Variants in COL4A5 observed in about 807,000 individuals in gnomAD.
The protein encoded by COL4A5 is collagen type IV alpha 5 chain.
A neutral mutation model predicts 130.2 loss-of-function variants in COL4A5; 26 were observed. The observed-to-expected ratio is 0.20, with a 90% CI of 0.15 to 0.28. The LOEUF (loss-of-function observed/expected upper bound fraction) is 0.28. Ranked by LOEUF, COL4A5 falls within the 10% of genes least tolerant of loss-of-function variation. The pLI is 1.00. For missense variants in COL4A5, 1,131 were observed against 1,344.3 expected, an observed-to-expected ratio of 0.84 and a Z score of 2.48; for synonymous variants, 496 against 439.6, an observed-to-expected ratio of 1.13 and a Z score of -1.60.
chrX:108,546,648 GT>G (rs768923133), intron 2 of COL4A5, among the ~76,000 whole-genome samples: 11 of 111,110 alleles, frequency 9.9e-5, no homozygotes, highest in Non-Finnish European at 1.9e-4. Flanking sequence ...GAATTTGAAT[GT>G]TGGCCTGCCT....
At chrX:108,684,583 A>C (rs1388897278) in intron 47 of COL4A5, among the ~76,000 whole-genome samples, 2 of 112,448 alleles carry the variant, frequency 1.8e-5, no homozygotes, top group East Asian at 2.8e-4. Flanking sequence ...TAGGCCAATA[A>C]AAAGTTCTGA....
intron 19 of COL4A5, 133 bp downstream of exon 19, chrX:108,586,880 C>G: frequency 3.0e-6 from 2 of 666,512 alleles, no homozygotes; most frequent in Non-Finnish European, 4.8e-6. Context: ...AGATACTTCC[C>G]AACTCTTACT....
intron 1 of COL4A5, among the ~76,000 whole-genome samples, chrX:108,495,268 G>GA (rs2065024636): frequency 9.0e-6 from 1 of 110,528 alleles, no homozygotes; most frequent in Non-Finnish European, 1.9e-5. Context: ...AAAACGTTTA[G>GA]AAAAAAATAA....
intron 4 of COL4A5, among the ~76,000 whole-genome samples, chrX:108,564,858 C>G (rs1275488839): frequency 1.8e-5 from 2 of 111,447 alleles, no homozygotes; most frequent in African/African-American, 6.5e-5. Context: ...ATTCTGTTTG[C>G]TATATACTTC....
chrX:108,695,962 T>C, intron 52 of COL4A5: 1 of 242,542 alleles, frequency 4.1e-6, no homozygotes, highest in Admixed American at 6.2e-5. Context: ...TGGTCCTTGT[T>C]ATCTATCATA....
At chrX:108,622,495 T>C (rs1055574844) in intron 32 of COL4A5, among the ~76,000 whole-genome samples, 181 bp from the exon 33 acceptor site, 1 of 112,229 alleles carries the variant, frequency 8.9e-6, no homozygotes, top group Non-Finnish European at 1.9e-5. Context: ...GATGGAGGGA[T>C]TGTTATCTGA....
At chrX:108,494,062 T>G (rs191272368) in intron 1 of COL4A5, among the ~76,000 whole-genome samples, 15 of 111,837 alleles carry the variant, frequency 1.3e-4, no homozygotes, top group African/African-American at 4.2e-4. Flanking sequence ...AAGTCTACAA[T>G]ACTTTTCCTT....
chrX:108,473,613 G>GTATATATATATATATA (rs1230922272), intron 1 of COL4A5, among the ~76,000 whole-genome samples: 56 of 46,046 alleles, frequency 1.2e-3, no homozygotes, highest in Non-Finnish European at 1.6e-3. Flanking sequence ...ATATATATAT[G>GTATATATATATATATA]TATATATATA....
intron 1 of COL4A5, among the ~76,000 whole-genome samples, chrX:108,486,201 G>A (rs1382328285): frequency 2.7e-5 from 3 of 111,698 alleles, no homozygotes; most frequent in African/African-American, 9.8e-5. Flanking sequence ...AAGGGGTGGT[G>A]TCAGTGATTC....
intron 30 of COL4A5, among the ~76,000 whole-genome samples, chrX:108,618,381 C>T (rs1414546124): frequency 8.9e-6 from 1 of 111,808 alleles, no homozygotes; most frequent in African/African-American, 3.2e-5. Context: ...ATTGATTTAT[C>T]TATACCCAAC....
At chrX:108,643,071 A>T (rs945897392) in intron 36 of COL4A5, among the ~76,000 whole-genome samples, 6 of 111,510 alleles carry the variant, frequency 5.4e-5, no homozygotes, top group African/African-American at 1.6e-4. Context: ...AAAAACAATC[A>T]AAACTTCAGG....
At chrX:108,509,061 C>T (rs185319615) in intron 1 of COL4A5, among the ~76,000 whole-genome samples, 57 of 112,108 alleles carry the variant, frequency 5.1e-4, no homozygotes, top group African/African-American at 1.7e-3. Context: ...ATTGGCAATG[C>T]GATCTAATTA....
chrX:108,643,046 A>C (rs916787082), intron 36 of COL4A5, among the ~76,000 whole-genome samples: 3 of 111,393 alleles, frequency 2.7e-5, no homozygotes, highest in Non-Finnish European at 5.6e-5. Flanking sequence ...ATTAAAGGAA[A>C]TAGATAGCAT....
intron 4 of COL4A5, among the ~76,000 whole-genome samples, chrX:108,567,762 A>T (rs928047154): frequency 1.8e-5 from 2 of 111,378 alleles, no homozygotes; most frequent in Non-Finnish European, 3.8e-5. Context: ...CACCTTATAA[A>T]ACCATCAGAT....
intron 36 of COL4A5, among the ~76,000 whole-genome samples, chrX:108,627,867 AC>A (rs1227771581): frequency 1.2e-4 from 13 of 110,966 alleles, no homozygotes; most frequent in Non-Finnish European, 1.9e-4. Context: ...CTCATTTTTT[AC>A]ATCCAAAATA....
In COL4A5 at chrX:108,666,449, T is replaced by C. The variant is rs757561212; in HGVS notation, c.3455-47T>C. 5.0e-6 allele frequency: 5 copies of C among 1,006,799 alleles called. No homozygotes were observed. The South Asian group carries it at 8.0e-5, about 16-fold the overall frequency. 83.0% of individuals were successfully genotyped at this position (1,006,799 alleles called of 1,213,427 possible). A position where few individuals can be genotyped will look rare whatever the true frequency, so the allele number is the denominator to read the frequency against. On this transcript the variant is annotated intron_variant, in intron 38 of 52. Transcript: ENST00000328300. ...GGGAGCATATGGAAGTAAAAGGGAG[T>C]TGGAAATTGGAAAACTGGGTGTAAC...
At chrX:108,667,272 A>G in intron 40 of COL4A5, 89 bp downstream of exon 40, 4 of 869,167 alleles carry the variant, frequency 4.6e-6, no homozygotes, top group Non-Finnish European at 5.1e-6. Flanking sequence ...ACCTTTTACT[A>G]TCATAAAATG....
chrX:108,528,273 T>G (rs1669200854), intron 1 of COL4A5, among the ~76,000 whole-genome samples: 2 of 111,995 alleles, frequency 1.8e-5, no homozygotes, highest in Non-Finnish European at 3.8e-5. Flanking sequence ...CTAATGCTGT[T>G]TACAGCCAAA....
chrX:108,633,706 A>T (rs369930380), intron 36 of COL4A5, among the ~76,000 whole-genome samples: 10 of 111,613 alleles, frequency 9.0e-5, no homozygotes, highest in Admixed American at 2.9e-4. Context: ...CTTCTGTGTG[A>T]CCTACAAGTA....
Sources: allele counts gnomAD v4.1 joint callset (sites outside exome capture counted in the v4.1 genomes callset), GRCh38; gene constraint gnomAD v4.1.1; transcripts MANE v1.5; gene names NCBI Gene and HGNC (gene_info 2026-07-23, HGNC 2026-07-21).